The following PPP4R2 variants were observed in gnomAD, a reference collection of about 807,000 sequenced individuals.
PPP4R2 encodes serine/threonine-protein phosphatase 4 regulatory subunit 2.
In PPP4R2, 13 loss-of-function variants were observed where a neutral mutation model predicts 47.2. The observed-to-expected ratio is 0.28, with a 90% confidence interval of 0.18 to 0.44. PPP4R2 has a LOEUF of 0.44. Among genes scored for constraint, PPP4R2 ranks in the 20% least tolerant of loss-of-function variants. The probability of loss-of-function intolerance (pLI) is 1.00; values close to 1 mark genes in which losing one functional copy is unlikely to be tolerated. For missense variants in PPP4R2, 421 were observed against 491.2 expected, an observed-to-expected ratio of 0.86 and a Z score of 1.35; for synonymous variants, 151 against 163.3, an observed-to-expected ratio of 0.92 and a Z score of 0.57.
rs746558771 is a variant in PPP4R2 at position 73,065,689 on chromosome 3, A to G, written c.1221A>G (p.Thr407=). Residue 407 remains threonine (T), a synonymous_variant, in exon 9 of 9, where the codon ACA becomes ACG. Coordinates refer to ENST00000356692, the MANE Select transcript of PPP4R2 (RefSeq NM_174907.4). The part of the protein sequence containing the change: ...ESSMENDDEA[T]EVTDEPMEQD The stretch of plus-strand genomic sequence containing the variant: ...CCATGGAAAATGATGACGAAGCCAC[A>G]GAAGTCACCGATGAACCAATGGAAC... 3.7e-6 allele frequency: 6 copies of G among 1,608,606 alleles called. No homozygotes were observed. In the Admixed American group the frequency reaches 6.7e-5, roughly 18 times the overall value.
intron 2 of PPP4R2, among the ~76,000 whole-genome samples, chr3:73,021,515 C>T (rs1701958959): frequency 1.3e-5 from 2 of 152,054 alleles, no homozygotes; most frequent in African/African-American, 2.4e-5. Flanking sequence ...GGATTACAAG[C>T]ATAAGCCATC....
At position 73,047,241 on chromosome 3, in the gene PPP4R2, G is replaced by T; in HGVS notation, c.172G>T (p.Asp58Tyr). ...YFIFKLEKVM[D>Y]DFRTSAPEPR... ...TATTTTCAAACTGGAGAAAGTGATG[G>T]ATGATTTCAGAACTTCAGCTCCTGA... Residue 58 changes from aspartate (D) to tyrosine (Y), a missense_variant, in exon 3 of 9, where the codon GAT becomes TAT. This residue lies in a region of PPP4R2 where 104 missense variants were observed against 203.7 expected (regional missense o/e 0.51). Transcript: ENST00000356692. The T allele has an allele frequency of 6.2e-7, 1 of 1,602,672 alleles. No individual in the cohort carries two copies. The highest frequency in any genetic ancestry group is 8.5e-7 in the Non-Finnish European group (1 of 1,173,032).
intron 2 of PPP4R2, among the ~76,000 whole-genome samples, chr3:73,022,636 A>C (rs1489720952): frequency 1.2e-4 from 18 of 152,134 alleles, no homozygotes; most frequent in Non-Finnish European, 2.9e-5. Context: ...TTAATCCTAT[A>C]ATATCTTTGC....
intron 2 of PPP4R2, among the ~76,000 whole-genome samples, chr3:73,002,941 C>A (rs1156702131): frequency 6.6e-6 from 1 of 151,832 alleles, no homozygotes; most frequent in Admixed American, 6.6e-5. Flanking sequence ...TGCGCCTGGC[C>A]CAGGGTTTTT....
intron 5 of PPP4R2, 109 bp downstream of exon 5, chr3:73,061,169 AG>A (rs1347334844): frequency 4.1e-6 from 2 of 485,122 alleles, no homozygotes; most frequent in African/African-American, 4.1e-5. Context: ...TATGTAATTA[AG>A]TGTGATAACA....
At chr3:73,026,794 C>T (rs1467344936) in intron 2 of PPP4R2, among the ~76,000 whole-genome samples, 3 of 152,052 alleles carry the variant, frequency 2.0e-5, no homozygotes, top group African/African-American at 4.8e-5. Flanking sequence ...CAGTGTGACC[C>T]AGGGAAGCCA....
At chr3:73,064,826 A>G in intron 7 of PPP4R2, 26 bp from the exon 8 acceptor site, 1 of 1,547,058 alleles carries the variant, frequency 6.5e-7, no homozygotes, top group Middle Eastern at 2.1e-4. Context: ...AATCTTATTA[A>G]TGACACTTTA....
intron 2 of PPP4R2, among the ~76,000 whole-genome samples, chr3:73,025,115 A>T (rs1352320970): frequency 1.3e-5 from 2 of 152,162 alleles, no homozygotes; most frequent in African/African-American, 2.4e-5. Flanking sequence ...TGGCTACTGG[A>T]GGCCCATCCT....
intron 2 of PPP4R2, chr3:73,014,958 C>T: frequency 2.9e-6 from 2 of 696,826 alleles, no homozygotes; most frequent in Non-Finnish European, 2.6e-6. Flanking sequence ...CCTGCCTCAA[C>T]TTCCCAAACT....
At chr3:73,009,314 G>T (rs1238282600) in intron 2 of PPP4R2, among the ~76,000 whole-genome samples, 1 of 152,204 alleles carries the variant, frequency 6.6e-6, no homozygotes, top group Non-Finnish European at 1.5e-5. Context: ...GATGTTAACT[G>T]TTCGGGAGTA....
chr3:73,033,596 C>T (rs967868619), intron 2 of PPP4R2, among the ~76,000 whole-genome samples: 1 of 152,142 alleles, frequency 6.6e-6, no homozygotes, highest in African/African-American at 2.4e-5. Context: ...GCATTAAGTA[C>T]ATTCACAGTG....
Position 73,061,078 on chromosome 3 carries a change from A to C in PPP4R2, c.419+18A>C, listed in dbSNP as rs577979361. The C allele has an allele frequency of 3.1e-6, 4 of 1,281,290 alleles. No individual in the cohort carries two copies. In the South Asian group the frequency reaches 5.9e-5, roughly 19 times the overall value. 79.4% of individuals were successfully genotyped at this position (1,281,290 alleles called of 1,614,324 possible). Reference sequence around the variant, plus strand: ...TCTTCAGAGTAAGTATATTTTTTCTATTTCTAGTATATTATTTACTATATT... The same window carrying C: ...TCTTCAGAGTAAGTATATTTTTTCTCTTTCTAGTATATTATTTACTATATT... On this transcript the variant is annotated intron_variant, in intron 5 of 8. Coordinates refer to ENST00000356692, the MANE Select transcript of PPP4R2 (RefSeq NM_174907.4).
At chr3:73,055,417 CGTGTGTGTGTGTGT>C (rs10663655) in intron 3 of PPP4R2, among the ~76,000 whole-genome samples, 14,638 of 137,360 alleles carry the variant, frequency 0.11, 1,037 homozygotes, top group East Asian at 0.36. Flanking sequence ...AGTGGGGTAG[CGTGTGTGTGTGTGT>C]GTGTGTGTGT....
intron 3 of PPP4R2, among the ~76,000 whole-genome samples, chr3:73,054,245 G>A (rs896073778): frequency 6.6e-6 from 1 of 152,090 alleles, no homozygotes; most frequent in Non-Finnish European, 1.5e-5. Flanking sequence ...TAATGATAAG[G>A]AACCCCAATG....
intron 2 of PPP4R2, among the ~76,000 whole-genome samples, chr3:73,035,817 G>C (rs1178981867): frequency 6.6e-6 from 1 of 152,028 alleles, no homozygotes; most frequent in East Asian, 1.9e-4. Context: ...GTAGAGACGG[G>C]CTTTCACCAT....
intron 5 of PPP4R2, chr3:73,062,973 A>C: frequency 1.5e-6 from 2 of 1,306,452 alleles, no homozygotes; most frequent in Non-Finnish European, 1.1e-6. Context: ...GGATGGCTCC[A>C]TTGCTCTACG....
rs1052253809 is a variant in PPP4R2, at chr3:73,067,313, G to A, written c.*1591G>A. The A allele has an allele frequency of 6.6e-6, 1 of 152,066 alleles. No individual in the cohort carries two copies. The highest frequency in any genetic ancestry group is 2.4e-5 in the African/African-American group (1 of 41,418). The allele number at this position is 152,066 out of a possible 1,614,324, so 9.4% of individuals were successfully genotyped here. ...AACAGTTTCTGACACTGTATAATAT[G>A]CTTTTGGGTGATTTGGGGGGCAACC... On this transcript the variant is annotated 3_prime_UTR_variant, in exon 9 of 9. Coordinates refer to ENST00000356692, the MANE Select transcript of PPP4R2 (RefSeq NM_174907.4).
chr3:73,027,133 G>A (rs9830079), intron 2 of PPP4R2, among the ~76,000 whole-genome samples: 80,523 of 151,924 alleles, frequency 0.53, 21,694 homozygotes, highest in African/African-American at 0.62. Context: ...CTATTCCCCT[G>A]TTTTTTTGTT....
At chr3:73,059,414 A>T (rs1206933087) in intron 4 of PPP4R2, among the ~76,000 whole-genome samples, 1 of 152,190 alleles carries the variant, frequency 6.6e-6, no homozygotes, top group Non-Finnish European at 1.5e-5. Flanking sequence ...GGTTCTGTGA[A>T]GTTATAATTG....
Sources: gnomAD v4.1 joint callset for allele counts (sites outside exome capture counted in the v4.1 genomes callset) on GRCh38, gnomAD v4.1.1 for gene constraint, gnomAD v4.1.1 regional missense constraint, MANE v1.5 for transcripts, NCBI Gene and HGNC (gene_info 2026-07-23, HGNC 2026-07-21) for gene names.